The following PCDHGA5 variants were observed in gnomAD, a reference collection of about 807,000 sequenced individuals.
PCDHGA5 encodes the protein protocadherin gamma-A5.
In PCDHGA5, 36 loss-of-function variants were observed where a neutral mutation model predicts 56.7. The ratio of observed to expected loss-of-function variants is 0.64; its 90% CI spans 0.49 to 0.84. The LOEUF (loss-of-function observed/expected upper bound fraction) is 0.84. Among genes scored for constraint, PCDHGA5 ranks in the 40% least tolerant of loss-of-function variants. The probability of loss-of-function intolerance (pLI) is 0.00; values close to 1 mark genes in which losing one functional copy is unlikely to be tolerated. For missense variants in PCDHGA5, 1,305 were observed against 1,201.5 expected, an observed-to-expected ratio of 1.09 and a Z score of -1.27; for synonymous variants, 563 against 520.2, an observed-to-expected ratio of 1.08 and a Z score of -1.12.
chr5:141,487,421 C>G lies in PCDHGA5; in HGVS notation c.2422-7386C>G. On this transcript the variant is annotated intron_variant, in intron 1 of 3. Transcript: ENST00000518069. This position sits in a 1 kb window ranked among gnomAD's most constrained non-coding sequence, Gnocchi z 5.0. ...GGGGCTTCCCCCTTCCAATGGGATC[C>G]TCCGAATCCAGCTAGGGTCAGATGA... 1 of 1,614,144 alleles carries G rather than the reference C, an allele frequency of 6.2e-7. No individual in the cohort carries two copies. The highest frequency in any genetic ancestry group is 8.5e-7 in the Non-Finnish European group (1 of 1,180,022).
At chr5:141,405,708 C>T (rs1328051668) in intron 1 of PCDHGA5, among the ~76,000 whole-genome samples, 2 of 152,164 alleles carry the variant, frequency 1.3e-5, no homozygotes, top group African/African-American at 4.8e-5. Context: ...GAATTCCTAA[C>T]CTCAAGTGAT....
Position 141,436,164 on chromosome 5 carries a change from A to G in PCDHGA5, c.2422-58643A>G, listed in dbSNP as rs896845015. Among the ~76,000 whole-genome samples, 8 of 152,188 alleles carry G rather than the reference A, an allele frequency of 5.3e-5. No homozygotes were observed. The East Asian group carries it at 1.3e-3, about 26-fold the overall frequency. ...AACTACCAAAATGTTTATCATATGG[A>G]CAGTTCTCATATATAGTCAAATAGA... On this transcript the variant is annotated intron_variant, in intron 1 of 3. Transcript: ENST00000518069.
rs771408685 is a variant in PCDHGA5, at chr5:141,486,166, G to T, written c.2422-8641G>T. ...GCGATGGGGGTTCTCCAGCCATGGA[G>T]CAACATTGCAGCCTTCGAGTGGATC... is the stretch of plus-strand genomic sequence containing the variant. On this transcript the variant is annotated intron_variant, in intron 1 of 3. Transcript: ENST00000518069. The surrounding 1 kb of genome is among the most constrained non-coding windows in gnomAD (Gnocchi z 5.0). 1.9e-6 allele frequency: 3 copies of T among 1,614,106 alleles called. No homozygotes were observed. Among genetic ancestry groups the T allele is most frequent in the Non-Finnish European group, 2.5e-6 (3 of 1,180,048 alleles).
intron 1 of PCDHGA5, chr5:141,393,544 A>T: frequency 6.2e-7 from 1 of 1,613,800 alleles, no homozygotes; most frequent in East Asian, 2.2e-5. Context: ...GTTTTTCCTC[A>T]CCCGATTTAC....
At chr5:141,510,431 G>A (rs912708135) in intron 3 of PCDHGA5, among the ~76,000 whole-genome samples, 9 of 152,132 alleles carry the variant, frequency 5.9e-5, no homozygotes, top group African/African-American at 1.9e-4. Flanking sequence ...TTTCATGGCT[G>A]CTGCCCTCCA....
chr5:141,423,648 G>T, intron 1 of PCDHGA5: 1 of 1,590,008 alleles, frequency 6.3e-7, no homozygotes, highest in Admixed American at 1.8e-5. Context: ...AATGTGACCC[G>T]ACAAGTAATC....
chr5:141,413,490 G>T (rs1255775347), intron 1 of PCDHGA5: 2 of 1,614,070 alleles, frequency 1.2e-6, no homozygotes, highest in Admixed American at 3.3e-5. Flanking sequence ...AGAGCGCGCG[G>T]TGCGTGGTGA....
chr5:141,425,714 A>G (rs1259037833), intron 1 of PCDHGA5, among the ~76,000 whole-genome samples: 1 of 152,218 alleles, frequency 6.6e-6, no homozygotes, highest in African/African-American at 2.4e-5. Context: ...AAATTTTCCC[A>G]TACCACTTGA....
intron 1 of PCDHGA5, among the ~76,000 whole-genome samples, chr5:141,470,014 A>G (rs1394478856): frequency 6.6e-6 from 1 of 152,200 alleles, no homozygotes; most frequent in Non-Finnish European, 1.5e-5. Flanking sequence ...CTGTAATCCC[A>G]GCTACTCGGG....
chr5:141,469,573 CTAAA>C (rs1209972534), intron 1 of PCDHGA5, among the ~76,000 whole-genome samples: 2 of 151,554 alleles, frequency 1.3e-5, no homozygotes, highest in Non-Finnish European at 2.9e-5. Flanking sequence ...GACTCTGTCT[CTAAA>C]TAAATAAATA....
chr5:141,415,040 C>A (rs772941952), intron 1 of PCDHGA5: 3 of 1,613,520 alleles, frequency 1.9e-6, no homozygotes, highest in Non-Finnish European at 2.5e-6. Flanking sequence ...GGACTCTTCG[C>A]GGTGGGGGAG....
At chr5:141,379,257 AG>A (rs1177830899) in intron 1 of PCDHGA5, 8 of 152,234 alleles carry the variant, frequency 5.3e-5, no homozygotes, top group Non-Finnish European at 1.2e-4. Flanking sequence ...TTTACATTTA[AG>A]GAATTGTTAT....
At chr5:141,460,924 A>ATATG (rs1561985817) in intron 1 of PCDHGA5, among the ~76,000 whole-genome samples, 10 of 150,588 alleles carry the variant, frequency 6.6e-5, no homozygotes, top group East Asian at 3.9e-4. Flanking sequence ...ATATATATAT[A>ATATG]TGTGTGTGTG....
intron 1 of PCDHGA5, chr5:141,372,164 G>C: frequency 6.2e-7 from 1 of 1,613,780 alleles, no homozygotes; most frequent in Non-Finnish European, 8.5e-7. Context: ...TGGTGACCAA[G>C]GTGGTGGCGG....
rs528069305 is a variant in PCDHGA5, at chr5:141,457,143, T to A, written c.2422-37664T>A. Among the ~76,000 whole-genome samples the A allele has an allele frequency of 5.3e-5, 8 of 152,334 alleles. No homozygotes were observed. In the South Asian group the frequency reaches 1.5e-3, roughly 28 times the overall value. On this transcript the variant is annotated intron_variant, in intron 1 of 3. Transcript: ENST00000518069. ...ATGGAAACTCTGTCCAATATTTCAG[T>A]TAGAAGGTGCTACCATGGATAACCC...
chr5:141,398,689 G>T, intron 1 of PCDHGA5: 1 of 1,613,766 alleles, frequency 6.2e-7, no homozygotes, highest in Non-Finnish European at 8.5e-7. Context: ...GAAACAGGAT[G>T]GTAGTAAATA....
At chr5:141,422,638 T>C (rs1412270971) in intron 1 of PCDHGA5, 1 of 1,612,392 alleles carries the variant, frequency 6.2e-7, no homozygotes, top group Non-Finnish European at 8.5e-7. Context: ...CAGGGGTGCC[T>C]CCATCTTCTC....
In PCDHGA5 at chr5:141,462,600, A is replaced by G. The variant is rs2154567827; in HGVS notation, c.2422-32207A>G. ...ATCCAGTGAAGTTTCCATTTCATAT[A>G]TTGTATTTTTCACTTTTAGAAGTTC... is the stretch of plus-strand genomic sequence containing the variant. On this transcript the variant is annotated intron_variant, in intron 1 of 3. Coordinates refer to ENST00000518069, the MANE Select transcript of PCDHGA5 (RefSeq NM_018918.3). Among the ~76,000 whole-genome samples, 6 of 152,076 alleles carry G rather than the reference A, an allele frequency of 3.9e-5. No homozygotes were observed. In the Middle Eastern group the frequency reaches 0.014, roughly 345 times the overall value.
intron 1 of PCDHGA5, chr5:141,394,550 C>T (rs1389907024): frequency 9.3e-6 from 15 of 1,614,014 alleles, no homozygotes; most frequent in South Asian, 7.7e-5. Flanking sequence ...AGCTGGCGCC[C>T]CGCTCCGCAG....
Sources: gnomAD v4.1 joint callset for allele counts (sites outside exome capture counted in the v4.1 genomes callset) on GRCh38, gnomAD v4.1.1 for gene constraint, Gnocchi (gnomAD v3.1) non-coding constraint, MANE v1.5 for transcripts, NCBI Gene and HGNC (gene_info 2026-07-23, HGNC 2026-07-21) for gene names.